The following CCNB3 variants were observed in gnomAD, a reference collection of about 807,000 sequenced individuals.
The protein encoded by CCNB3 is cyclin B3, also known as G2/mitotic-specific cyclin-B3.
A neutral mutation model predicts 68.0 loss-of-function variants in CCNB3; 12 were observed. The ratio of observed to expected loss-of-function variants is 0.18; its 90% CI spans 0.11 to 0.29. The LOEUF (loss-of-function observed/expected upper bound fraction) is 0.29, where lower values mean the gene tolerates loss of function less well. Ranked by LOEUF, CCNB3 falls within the 10% of genes least tolerant of loss-of-function variation. The pLI is 1.00. For missense variants in CCNB3, 904 were observed against 993.1 expected (o/e 0.91, Z 1.21); for synonymous variants, 354 against 388.9 (o/e 0.91, Z 1.06).
chrX:50,304,655 G>C (rs1936722128), intron 5 of CCNB3, among the ~76,000 whole-genome samples: 1 of 111,626 alleles, frequency 9.0e-6, no homozygotes, highest in Non-Finnish European at 1.9e-5. Context: ...TGACAAATGG[G>C]ATCTAATTAA....
intron 6 of CCNB3, 91 bp downstream of exon 6, chrX:50,311,587 T>TTTTG (rs1921459464): frequency 1.4e-6 from 1 of 697,010 alleles, no homozygotes; most frequent in African/African-American, 2.2e-5. Context: ...TTTTTTTGTT[T>TTTTG]TTGTTTTTTG....
chrX:50,331,929 C>T (rs189416008), intron 8 of CCNB3, among the ~76,000 whole-genome samples: 59 of 111,546 alleles, frequency 5.3e-4, no homozygotes, highest in African/African-American at 1.9e-3. Flanking sequence ...ACAGGAAGAG[C>T]CACTTTTTCC....
At chrX:50,225,205 G>C (rs1935732910) in intron 1 of CCNB3, among the ~76,000 whole-genome samples, 2 of 111,180 alleles carry the variant, frequency 1.8e-5, no homozygotes, top group Admixed American at 1.9e-4. Flanking sequence ...CGTTTAAGCT[G>C]AGACTTGATC....
At chrX:50,223,991 T>G (rs1257458194) in intron 1 of CCNB3, among the ~76,000 whole-genome samples, 2 of 112,035 alleles carry the variant, frequency 1.8e-5, no homozygotes, top group Non-Finnish European at 3.8e-5. Flanking sequence ...AGAGAGCTTG[T>G]TCTACATTTT....
In CCNB3 at chrX:50,279,203, A is replaced by T. The variant is rs1209117142; in HGVS notation, c.-112-5339A>T. 5.9e-3 allele frequency among the ~76,000 whole-genome samples: 11 copies of T among 1,868 alleles called. No individual in the cohort carries two copies. The Non-Finnish European group carries it at 0.2, about 35-fold the overall frequency. The allele number at this position is 1,868 out of a possible 115,157, so 1.6% of individuals were successfully genotyped here. On this transcript the variant is annotated intron_variant, in intron 1 of 12. Coordinates refer to ENST00000376042, the MANE Select transcript of CCNB3 (RefSeq NM_033031.3). ...TATAATATATTCTCTATATATAAATATATAGAGTATATATATTCATATATA... is the reference window on the plus strand; with the variant it reads ...TATAATATATTCTCTATATATAAATTTATAGAGTATATATATTCATATATA...
At chrX:50,291,357 G>T (rs2147030750) in intron 4 of CCNB3, among the ~76,000 whole-genome samples, 1 of 111,504 alleles carries the variant, frequency 9.0e-6, no homozygotes, top group African/African-American at 3.3e-5. Context: ...AAGCTGGCAT[G>T]ATCACAGCTC....
chrX:50,297,098 T>G (rs1936489400), intron 5 of CCNB3, among the ~76,000 whole-genome samples: 2 of 111,506 alleles, frequency 1.8e-5, no homozygotes, highest in South Asian at 3.7e-4. Flanking sequence ...ACTCTGATGG[T>G]GGTTTCTTTT....
intron 1 of CCNB3, among the ~76,000 whole-genome samples, chrX:50,279,876 T>C (rs1400288627): frequency 2.3e-5 from 2 of 87,210 alleles, no homozygotes; most frequent in Non-Finnish European, 4.2e-5. Flanking sequence ...ATATAAAATA[T>C]ATATAGTATA....
chrX:50,347,797 G>C (rs782641480), intron 11 of CCNB3, 22 bp downstream of exon 11: 1 of 1,189,531 alleles, frequency 8.4e-7, no homozygotes, highest in Non-Finnish European at 1.1e-6. Flanking sequence ...CGAGATAGGG[G>C]TATAGGGGTA....
intron 9 of CCNB3, among the ~76,000 whole-genome samples, chrX:50,345,989 C>A (rs1923386964): frequency 8.9e-6 from 1 of 112,261 alleles, no homozygotes. Flanking sequence ...CATTGTTTCT[C>A]CAAACCAATG....
intron 8 of CCNB3, among the ~76,000 whole-genome samples, chrX:50,336,357 A>G (rs1245587605): frequency 8.9e-6 from 1 of 111,946 alleles, no homozygotes; most frequent in Non-Finnish European, 1.9e-5. Flanking sequence ...GGCCGCAGCC[A>G]GTAAGTCGGT....
At chrX:50,351,526 G>A (rs1466257873) in intron 12 of CCNB3, 81 bp from the exon 13 acceptor site, 1 of 1,035,802 alleles carries the variant, frequency 9.7e-7, no homozygotes, top group Non-Finnish European at 1.3e-6. Context: ...GGAAACTAAG[G>A]GCTGTATGTC....
At chrX:50,343,753 A>G (rs573287914) in intron 9 of CCNB3, among the ~76,000 whole-genome samples, 1 of 112,532 alleles carries the variant, frequency 8.9e-6, no homozygotes. Context: ...AAGGATATAA[A>G]GAAAGCAAAT....
At chrX:50,225,607 G>A (rs1209666445) in intron 1 of CCNB3, among the ~76,000 whole-genome samples, 2 of 110,518 alleles carry the variant, frequency 1.8e-5, no homozygotes, top group African/African-American at 6.6e-5. Context: ...AGCCTAGGTG[G>A]CAGCGGAGAT....
chrX:50,209,161 G>A (rs1351163150), intron 1 of CCNB3, among the ~76,000 whole-genome samples: 1 of 111,412 alleles, frequency 9.0e-6, no homozygotes, highest in Non-Finnish European at 1.9e-5. Flanking sequence ...TATTTAACGT[G>A]TACAGTTTGA....
At chrX:50,215,696 C>G (rs1935560884) in intron 1 of CCNB3, among the ~76,000 whole-genome samples, 1 of 110,816 alleles carries the variant, frequency 9.0e-6, no homozygotes, top group Non-Finnish European at 1.9e-5. Context: ...TTGGTACATA[C>G]ACGTTTGAGA....
At chrX:50,225,708 C>A (rs1211362933) in intron 1 of CCNB3, among the ~76,000 whole-genome samples, 1 of 109,139 alleles carries the variant, frequency 9.2e-6, no homozygotes, top group Non-Finnish European at 1.9e-5. Context: ...ACCCAGCTTT[C>A]TGGCTTCAAT....
At chrX:50,347,382 C>G (rs1923456744) in intron 10 of CCNB3, among the ~76,000 whole-genome samples, 2 of 110,088 alleles carry the variant, frequency 1.8e-5, no homozygotes, top group South Asian at 8.1e-4. Context: ...CAGTACCATA[C>G]ACACAGTTGG....
Position 50,311,309 on chromosome X carries a change from C to A in CCNB3, c.3140C>A (p.Thr1047Lys), listed in dbSNP as rs1921437139. 1 of 1,209,658 alleles carries A rather than the reference C, an allele frequency of 8.3e-7. No homozygotes were observed. Among genetic ancestry groups the A allele is most frequent in the Admixed American group, 2.2e-5 (1 of 45,730 alleles). Residue 1047 changes from threonine to lysine, a missense_variant, in exon 6 of 13, where the codon ACA (threonine) becomes AAA (lysine). Thr to Lys is a moderately conservative substitution (Grantham distance 78). Around this residue, in one of 2 missense-constraint regions of CCNB3, gnomAD observed 285 missense variants for 383.4 expected, o/e 0.74. Coordinates refer to ENST00000376042, the MANE Select transcript of CCNB3 (RefSeq NM_033031.3). ...PTCKEDTFLE[T>K]FLIPQIGTSP... is the part of the protein sequence containing the mutation. Reference sequence around the variant, plus strand: ...TGCAAGGAAGACACCTTTCTGGAAACATTCTTGATCCCCCAAATTGGAACC... The same window carrying A: ...TGCAAGGAAGACACCTTTCTGGAAAAATTCTTGATCCCCCAAATTGGAACC...
Sources: gnomAD v4.1 joint callset for allele counts (sites outside exome capture counted in the v4.1 genomes callset) on GRCh38, gnomAD v4.1.1 for gene constraint, gnomAD v4.1.1 regional missense constraint, MANE v1.5 for transcripts, NCBI Gene and HGNC (gene_info 2026-07-23, HGNC 2026-07-21) for gene names.